ATP8A1: variants seen among roughly 807,000 people sequenced by gnomAD.
ATP8A1 encodes ATPase phospholipid transporting 8A1.
A neutral mutation model predicts 177.7 loss-of-function variants in ATP8A1; 90 were observed. The ratio of observed to expected loss-of-function variants is 0.51; its 90% CI spans 0.43 to 0.60. ATP8A1 has a LOEUF of 0.60. Among genes scored for constraint, ATP8A1 ranks in the 20% least tolerant of loss-of-function variants. The probability of loss-of-function intolerance (pLI) is 0.00; values close to 1 mark genes in which losing one functional copy is unlikely to be tolerated. For missense variants in ATP8A1, 1,072 were observed against 1,392.8 expected (o/e 0.77, Z 3.67); for synonymous variants, 493 against 485.9 (o/e 1.01, Z -0.19).
chr4:42,606,711 T>C (rs573882863), intron 5 of ATP8A1, among the ~76,000 whole-genome samples: 127 of 152,218 alleles, frequency 8.3e-4, no homozygotes, highest in Non-Finnish European at 1.6e-3. Context: ...ATTCAACTAT[T>C]CTCCCCCTGG....
intron 1 of ATP8A1, among the ~76,000 whole-genome samples, chr4:42,636,218 A>G (rs2109529545): frequency 6.7e-6 from 1 of 149,622 alleles, no homozygotes; most frequent in East Asian, 2.0e-4. Flanking sequence ...TGAATAATTA[A>G]GATGTTTGTA....
intron 25 of ATP8A1, among the ~76,000 whole-genome samples, chr4:42,471,275 T>A (rs550347361): frequency 3.3e-5 from 5 of 152,266 alleles, no homozygotes; most frequent in African/African-American, 1.2e-4. Flanking sequence ...TCTCCTAGCC[T>A]CCAAAACCAA....
At chr4:42,455,866 A>G (rs1718428421) in intron 27 of ATP8A1, among the ~76,000 whole-genome samples, 1 of 152,210 alleles carries the variant, frequency 6.6e-6, no homozygotes, top group African/African-American at 2.4e-5. Context: ...AATGATAAAT[A>G]ATCTTGTTTT....
chr4:42,469,439 T>G (rs1178994776), intron 25 of ATP8A1, among the ~76,000 whole-genome samples: 1 of 152,092 alleles, frequency 6.6e-6, no homozygotes, highest in Non-Finnish European at 1.5e-5. Flanking sequence ...GGATTCAGGT[T>G]TGTCAAGCTG....
intron 20 of ATP8A1, among the ~76,000 whole-genome samples, chr4:42,527,228 C>A (rs1471062814): frequency 3.9e-5 from 6 of 152,144 alleles, no homozygotes; most frequent in Non-Finnish European, 8.8e-5. Flanking sequence ...AAAACAGACA[C>A]AAGCTGTTAT....
chr4:42,522,687 CCA>C (rs1237515666), intron 21 of ATP8A1, among the ~76,000 whole-genome samples: 3 of 152,102 alleles, frequency 2.0e-5, no homozygotes, highest in African/African-American at 7.2e-5. Context: ...CATTCACTTC[CCA>C]CATAGGGGGG....
intron 30 of ATP8A1, among the ~76,000 whole-genome samples, chr4:42,449,080 C>A (rs562546629): frequency 1.3e-5 from 2 of 152,212 alleles, no homozygotes; most frequent in Admixed American, 1.3e-4. Flanking sequence ...ATGTGATCCA[C>A]CTGCATTGGG....
At chr4:42,489,885 T>C (rs950271615) in intron 24 of ATP8A1, among the ~76,000 whole-genome samples, 3 of 152,162 alleles carry the variant, frequency 2.0e-5, no homozygotes, top group African/African-American at 7.2e-5. Context: ...AGTGAAAATA[T>C]AGCAATGAGA....
In ATP8A1 at chr4:42,590,855, G is replaced by A. The variant is rs1208288079; in HGVS notation, c.480C>T (p.Thr160=). The stretch of plus-strand genomic sequence containing the variant: ...GATCTGCTGGGAGATGTTCCCCATT[G>A]GTCACTTTCACTATCTCCCCTACTG... ...KVAVGEIVKV[T]NGEHLPADLI... The change falls in exon 7 of 37, where the codon ACC becomes ACT. Residue 160 remains threonine (T), a synonymous_variant. Coordinates refer to ENST00000381668, the MANE Select transcript of ATP8A1 (RefSeq NM_006095.2). 6.8e-6 allele frequency: 11 copies of A among 1,613,124 alleles called. No homozygotes were observed. The highest frequency in any genetic ancestry group is 1.7e-5 in the Admixed American group (1 of 59,906).
chr4:42,614,111 C>T (rs1020317684), intron 5 of ATP8A1, among the ~76,000 whole-genome samples: 4 of 152,146 alleles, frequency 2.6e-5, no homozygotes, highest in Admixed American at 2.6e-4. Context: ...ATGAAGGGGA[C>T]TCATGAACCA....
intron 25 of ATP8A1, chr4:42,472,122 G>A (rs962904482): frequency 1.2e-5 from 8 of 671,300 alleles, no homozygotes; most frequent in African/African-American, 5.3e-5. Context: ...GCCTAAGCCA[G>A]CTTGAAAAAG....
chr4:42,585,318 T>C (rs1231268318), intron 9 of ATP8A1, among the ~76,000 whole-genome samples: 2 of 151,850 alleles, frequency 1.3e-5, no homozygotes, highest in Non-Finnish European at 2.9e-5. Context: ...TTATTTATCA[T>C]CTTATTGTTT....
intron 20 of ATP8A1, 62 bp from the exon 21 acceptor site, chr4:42,524,909 G>A (rs1726528240): frequency 2.7e-6 from 3 of 1,105,984 alleles, no homozygotes; most frequent in Admixed American, 1.9e-5. Flanking sequence ...TAAAGTTGAT[G>A]TTGGTAACAA....
At chr4:42,423,815 G>A (rs1248320089) in intron 33 of ATP8A1, 110 bp from the exon 34 acceptor site, 2 of 677,690 alleles carry the variant, frequency 3.0e-6, no homozygotes, top group Non-Finnish European at 5.1e-6. Context: ...CATTCTGTAA[G>A]AGAGTATACA....
At chr4:42,458,721 A>C (rs1204285941) in intron 27 of ATP8A1, among the ~76,000 whole-genome samples, 1 of 152,264 alleles carries the variant, frequency 6.6e-6, no homozygotes, top group African/African-American at 2.4e-5. Context: ...ATAGTGTTCA[A>C]GACTATTCCT....
At chr4:42,615,952 T>G (rs1736866070) in intron 5 of ATP8A1, 81 bp downstream of exon 5, 1 of 1,301,320 alleles carries the variant, frequency 7.7e-7, no homozygotes, top group Admixed American at 2.1e-5. Flanking sequence ...TATTTGCAAT[T>G]GAATTATATG....
At chr4:42,508,984 G>A (rs1465229772) in intron 22 of ATP8A1, among the ~76,000 whole-genome samples, 1 of 152,236 alleles carries the variant, frequency 6.6e-6, no homozygotes, top group Non-Finnish European at 1.5e-5. Flanking sequence ...AAGTGAGAGA[G>A]AAAGTGTGTG....
chr4:42,616,922 C>T (rs936799292), intron 4 of ATP8A1, among the ~76,000 whole-genome samples: 1 of 152,142 alleles, frequency 6.6e-6, no homozygotes, highest in Non-Finnish European at 1.5e-5. Context: ...TTTACAGCAT[C>T]GAGTGTAACT....
intron 20 of ATP8A1, among the ~76,000 whole-genome samples, chr4:42,539,543 C>T (rs1271675362): frequency 6.6e-6 from 1 of 151,952 alleles, no homozygotes; most frequent in Non-Finnish European, 1.5e-5. Context: ...ACATTACCTA[C>T]ATTTAAAATT....
Sources: gnomAD v4.1 joint callset for allele counts (sites outside exome capture counted in the v4.1 genomes callset) on GRCh38, gnomAD v4.1.1 for gene constraint, MANE v1.5 for transcripts, NCBI Gene and HGNC (gene_info 2026-07-23, HGNC 2026-07-21) for gene names.